Variants in TCTN2 observed in about 807,000 individuals in gnomAD.
TCTN2 encodes the protein tectonic family member 2, also known as tectonic-2.
TCTN2 carries 66 observed loss-of-function variants against 83.4 expected under a neutral mutation model. The ratio of observed to expected loss-of-function variants is 0.79; its 90% CI spans 0.65 to 0.97. The LOEUF (loss-of-function observed/expected upper bound fraction) is 0.97, where lower values mean the gene tolerates loss of function less well. Ranked by LOEUF, TCTN2 falls within the 50% of genes least tolerant of loss-of-function variation. The probability of loss-of-function intolerance (pLI) is 0.00; values close to 1 mark genes in which losing one functional copy is unlikely to be tolerated. For synonymous variants in TCTN2, 301 were observed against 326.7 expected, an observed-to-expected ratio of 0.92 and a Z score of 0.85; for missense variants, 794 against 858.1, an observed-to-expected ratio of 0.93 and a Z score of 0.93.
In TCTN2 at chr12:123,704,280, C is replaced by T. The variant is rs546684660; in HGVS notation, c.1613-252C>T. Among the ~76,000 whole-genome samples the T allele has an allele frequency of 5.3e-5, 8 of 152,202 alleles. No homozygotes were observed. In the East Asian group the frequency reaches 7.7e-4, roughly 15 times the overall value. ...TCAGCCTCCCAAAGTGCTGGGATTA[C>T]GGCGTTAGCCACCGCACCCGGCCCA... is the stretch of plus-strand genomic sequence containing the variant. On this transcript the variant is annotated intron_variant, in intron 14 of 17. Coordinates refer to ENST00000303372, the MANE Select transcript of TCTN2 (RefSeq NM_024809.5).
At chr12:123,691,265 G>A (rs1956037774) in intron 8 of TCTN2, among the ~76,000 whole-genome samples, 1 of 151,972 alleles carries the variant, frequency 6.6e-6, no homozygotes, top group African/African-American at 2.4e-5. Context: ...ACGTTTCATC[G>A]CCTCAGAAGG....
intron 13 of TCTN2, 21 bp downstream of exon 13, chr12:123,697,219 T>C: frequency 6.6e-7 from 1 of 1,515,634 alleles, no homozygotes; most frequent in Non-Finnish European, 9.2e-7. Context: ...CATTGATGAA[T>C]ATATCGGCAA....
intron 9 of TCTN2, 90 bp from the exon 10 acceptor site, chr12:123,694,752 G>A: frequency 6.9e-7 from 1 of 1,451,442 alleles, no homozygotes; most frequent in Non-Finnish European, 9.6e-7. Flanking sequence ...GGGCACTTGG[G>A]GAAGGCCACG....
Position 123,673,598 on chromosome 12 carries a change from C to T in TCTN2, c.268-17C>T. 1 of 1,613,738 alleles carries T rather than the reference C, an allele frequency of 6.2e-7. No individual in the cohort carries two copies. The highest frequency in any genetic ancestry group is 2.2e-5 in the East Asian group (1 of 44,884). On this transcript the variant is annotated splice_polypyrimidine_tract_variant and intron_variant, in intron 3 of 17. Transcript: ENST00000303372. ...GTTTTGAGTCACTTTAAAAATACAGCAATGTTTTCCTTTCAGAAGGTGTTG... is the reference window on the plus strand; with the variant it reads ...GTTTTGAGTCACTTTAAAAATACAGTAATGTTTTCCTTTCAGAAGGTGTTG...
rs551759913 is a variant in TCTN2 at position 123,707,190 on chromosome 12, G to A, written c.1984+117G>A. 3.2e-4 allele frequency: 277 copies of A among 866,248 alleles called. 1 individual carries two copies. The South Asian group carries it at 3.3e-3, about 10-fold the overall frequency. The allele number at this position is 866,248 out of a possible 1,614,324, so 53.7% of individuals were successfully genotyped here. On this transcript the variant is annotated intron_variant, in intron 17 of 17. Coordinates refer to ENST00000303372, the MANE Select transcript of TCTN2 (RefSeq NM_024809.5). ...CATATAGAAACTTAAAAAAAAGTAC[G>A]GATAATATTGCCACTTGGAAGTGAT...
At chr12:123,701,600 G>T (rs560847944) in intron 14 of TCTN2, among the ~76,000 whole-genome samples, 2 of 151,918 alleles carry the variant, frequency 1.3e-5, no homozygotes, top group African/African-American at 4.8e-5. Flanking sequence ...AAAATTAGCC[G>T]GGCGTGGTGG....
intron 7 of TCTN2, 54 bp downstream of exon 7, chr12:123,688,231 T>TA (rs1555292337): frequency 0.028 from 40,837 of 1,453,010 alleles, 164 homozygotes; most frequent in Non-Finnish European, 0.032. Context: ...TTTTTTTTTT[T>TA]ATGAGACGGA....
chr12:123,683,005 C>T (rs774318684), intron 5 of TCTN2, among the ~76,000 whole-genome samples: 55 of 151,644 alleles, frequency 3.6e-4, no homozygotes, highest in Non-Finnish European at 7.5e-4. Context: ...GGGTGGATCA[C>T]CTGAGGTCAG....
At chr12:123,676,516 C>T (rs1480083052) in intron 4 of TCTN2, among the ~76,000 whole-genome samples, 2 of 132,230 alleles carry the variant, frequency 1.5e-5, no homozygotes. Flanking sequence ...TGCAGTGAGC[C>T]AAGGTCACAC....
chr12:123,707,409 T>G (rs1338227224), intron 17 of TCTN2, among the ~76,000 whole-genome samples, 195 bp from the exon 18 acceptor site: 1 of 152,044 alleles, frequency 6.6e-6, no homozygotes, highest in Admixed American at 6.6e-5. Flanking sequence ...GCCTGGCTAT[T>G]TTTGTATTTT....
At chr12:123,692,469 C>T (rs35946281) in intron 8 of TCTN2, among the ~76,000 whole-genome samples, 189 bp from the exon 9 acceptor site, 2 of 151,892 alleles carry the variant, frequency 1.3e-5, no homozygotes, top group Non-Finnish European at 2.9e-5. Context: ...TTTCTTCCTC[C>T]GTTATAATTA....
intron 9 of TCTN2, 74 bp downstream of exon 9, chr12:123,692,797 C>G: frequency 8.6e-7 from 1 of 1,158,324 alleles, no homozygotes; most frequent in Non-Finnish European, 1.3e-6. Flanking sequence ...TATATACCCT[C>G]AGAGTGTATA....
At chr12:123,686,287 TC>T (rs1196350898) in intron 5 of TCTN2, among the ~76,000 whole-genome samples, 2 of 152,162 alleles carry the variant, frequency 1.3e-5, no homozygotes, top group Non-Finnish European at 2.9e-5. Flanking sequence ...CCTCAAGTGA[TC>T]CACCTGCCTC....
intron 5 of TCTN2, among the ~76,000 whole-genome samples, chr12:123,681,383 T>C (rs1955898183): frequency 6.6e-6 from 1 of 152,186 alleles, no homozygotes; most frequent in Admixed American, 6.6e-5. Context: ...AAATCGTGTG[T>C]CCCTGTAGCC....
intron 5 of TCTN2, among the ~76,000 whole-genome samples, chr12:123,680,421 T>A (rs939205453): frequency 1.3e-5 from 2 of 151,698 alleles, no homozygotes; most frequent in Non-Finnish European, 1.5e-5. Context: ...CCTAAAGTGC[T>A]GGAATTACAG....
chr12:123,693,818 CTT>C (rs200654361), intron 9 of TCTN2, among the ~76,000 whole-genome samples: 2 of 138,998 alleles, frequency 1.4e-5, no homozygotes. Context: ...TCTTTCTTTT[CTT>C]TTTTTTTTTT....
At chr12:123,678,724 C>T (rs1394914032) in intron 4 of TCTN2, among the ~76,000 whole-genome samples, 1 of 151,786 alleles carries the variant, frequency 6.6e-6, no homozygotes, top group African/African-American at 2.4e-5. Context: ...GTGGTAGATG[C>T]AGGCCTCATA....
chr12:123,700,104 C>A, intron 14 of TCTN2: 1 of 473,496 alleles, frequency 2.1e-6, no homozygotes, highest in Non-Finnish European at 3.9e-6. Context: ...CTCATCCTCC[C>A]AGGCTCAAGG....
chr12:123,707,641 G>A lies in TCTN2; in HGVS notation c.2022G>A (p.Leu674=), dbSNP rs1384348827. 1 of 1,614,174 alleles carries A rather than the reference G, an allele frequency of 6.2e-7. No homozygotes were observed. The highest frequency in any genetic ancestry group is 1.7e-5 in the Admixed American group (1 of 60,006). ...LHSQCVAKGL[L]LLLFLTLALF... is the part of the protein sequence containing the mutation. ...CTCAGTGTGTTGCTAAGGGCTTACT[G>A]TTGCTGTTGTTCCTCACATTGGCCT... Residue 674 remains leucine (L), a synonymous_variant, in exon 18 of 18, where the codon CTG becomes CTA. Transcript: ENST00000303372.
Sources: allele counts gnomAD v4.1 joint callset (sites outside exome capture counted in the v4.1 genomes callset), GRCh38; gene constraint gnomAD v4.1.1; transcripts MANE v1.5; gene names NCBI Gene and HGNC (gene_info 2026-07-23, HGNC 2026-07-21).